Variants in STARD9 observed in about 807,000 individuals in gnomAD.
STARD9 encodes the protein stAR-related lipid transfer protein 9.
Under a neutral mutation model 399.8 loss-of-function variants are expected in STARD9, and 346 were observed. The ratio of observed to expected loss-of-function variants is 0.87; its 90% CI spans 0.79 to 0.95. STARD9 has a LOEUF of 0.95. Ranked by LOEUF, STARD9 falls within the 40% of genes least tolerant of loss-of-function variation. The probability of loss-of-function intolerance (pLI) is 0.00; values close to 1 mark genes in which losing one functional copy is unlikely to be tolerated. For missense variants in STARD9, 5,832 were observed against 5,667.5 expected, an observed-to-expected ratio of 1.03 and a Z score of -0.93; for synonymous variants, 2,203 against 2,143.5, an observed-to-expected ratio of 1.03 and a Z score of -0.77.
intron 26 of STARD9, among the ~76,000 whole-genome samples, chr15:42,705,559 C>T (rs902525127): frequency 6.6e-6 from 1 of 151,788 alleles, no homozygotes; most frequent in Non-Finnish European, 1.5e-5. Context: ...CTCAGCACTC[C>T]GAGTACCTGG....
intron 28 of STARD9, 140 bp downstream of exon 28, chr15:42,717,188 G>C (rs1372815371): frequency 1.0e-6 from 1 of 972,092 alleles, no homozygotes; most frequent in East Asian, 2.7e-5. Flanking sequence ...TTCATCTTGA[G>C]AAAAGGGGAA....
intron 3 of STARD9, among the ~76,000 whole-genome samples, chr15:42,624,194 G>C (rs1042786116): frequency 6.6e-6 from 1 of 152,148 alleles, no homozygotes; most frequent in Non-Finnish European, 1.5e-5. Flanking sequence ...CTTATGTAAG[G>C]CTTGGATGCC....
rs569674695 is a variant in STARD9 at position 42,611,035 on chromosome 15, G to A, written c.235-23821G>A. ...ATTGAAAGTACCCAGGACTCTCTTA[G>A]TCTTGCTTTTTTCCCCCTTTTTCTA... On this transcript the variant is annotated intron_variant, in intron 3 of 32. Transcript: ENST00000290607. Among the ~76,000 whole-genome samples the A allele has an allele frequency of 2.6e-5, 4 of 152,198 alleles. No homozygotes were observed. The South Asian group carries it at 6.2e-4, about 24-fold the overall frequency.
Position 42,694,535 on chromosome 15 carries a change from A to G in STARD9, c.12772A>G (p.Lys4258Glu). Residue 4258 changes from lysine (K) to glutamate (E), a missense_variant, in exon 24 of 33, where the codon AAG becomes GAG. Transcript: ENST00000290607. ...AATCGTGTTTTGCCTCAGGCAAAAA[A>G]AGGCCATTGAGACCCTCAGGAGAGA... ...TWKELYARQK[K>E]AIETLRRERA... 6.5e-7 allele frequency: 1 copy of G among 1,537,192 alleles called. No homozygotes were observed. The highest frequency in any genetic ancestry group is 8.7e-7 in the Non-Finnish European group (1 of 1,146,900).
rs1366465774 is a variant in STARD9 at position 42,691,556 on chromosome 15, C to T, written c.9978C>T (p.Phe3326=). ...CCAGGTCCTCCCCCACACCACAGTTCTCAGTTGTCGGCTCTTCTCGTTCTC... is the reference window on the plus strand; with the variant it reads ...CCAGGTCCTCCCCCACACCACAGTTTTCAGTTGTCGGCTCTTCTCGTTCTC... The part of the protein sequence containing the change: ...KHSRSSPTPQ[F]SVVGSSRSLQ... The change falls in exon 23 of 33, where the codon TTC becomes TTT. Residue 3326 remains phenylalanine (F), a synonymous_variant. Transcript: ENST00000290607. 2 of 1,537,164 alleles carry T rather than the reference C, an allele frequency of 1.3e-6. No homozygotes were observed. The highest frequency in any genetic ancestry group is 1.7e-6 in the Non-Finnish European group (2 of 1,146,926).
Position 42,693,813 on chromosome 15 carries a change from T to G in STARD9, c.12235T>G (p.Trp4079Gly). ...PQRTLDRPSS[W>G]GGLQHLSPCP... Reference sequence around the variant, plus strand: ...ACGCACTCTGGACCGACCTTCTTCATGGGGAGGCCTCCAGCACCTCAGCCC... The same window carrying G: ...ACGCACTCTGGACCGACCTTCTTCAGGGGGAGGCCTCCAGCACCTCAGCCC... The change falls in exon 23 of 33, where the codon TGG (tryptophan) becomes GGG (glycine). Residue 4079 changes from tryptophan (W) to glycine (G), a missense_variant. By Grantham distance (184) the Trp-to-Gly change is radical. Coordinates refer to ENST00000290607, the MANE Select transcript of STARD9 (RefSeq NM_020759.3). The G allele has an allele frequency of 6.5e-7, 1 of 1,536,484 alleles. No individual in the cohort carries two copies. The highest frequency in any genetic ancestry group is 8.7e-7 in the Non-Finnish European group (1 of 1,146,654).
intron 9 of STARD9, among the ~76,000 whole-genome samples, chr15:42,658,341 CT>C (rs1204630335): frequency 2.0e-5 from 3 of 149,868 alleles, no homozygotes; most frequent in African/African-American, 7.4e-5. Flanking sequence ...TACAAAATAA[CT>C]TTTGTATTTT....
At chr15:42,575,894 A>G in intron 1 of STARD9, 132 bp downstream of exon 1, 1 of 1,006,164 alleles carries the variant, frequency 9.9e-7, no homozygotes, top group South Asian at 1.4e-5. Context: ...CGGGGTCCGG[A>G]ATCCACGGAG....
chr15:42,638,078 T>C lies in STARD9; in HGVS notation c.437T>C (p.Ile146Thr). The change falls in exon 6 of 33, where the codon ATA becomes ACA. Residue 146 changes from isoleucine (I) to threonine (T), a missense_variant. Coordinates refer to ENST00000290607, the MANE Select transcript of STARD9 (RefSeq NM_020759.3). ...DCASLPSSCR[I>T]KVSFLEIYNE... ...GCCTCACTGCCTTCCTCCTGTAGGA[T>C]AAAAGTAAGGTAAGAACCTCCCAAG... 1 of 1,537,054 alleles carries C rather than the reference T, an allele frequency of 6.5e-7. No individual in the cohort carries two copies. Among genetic ancestry groups the C allele is most frequent in the African/African-American group, 1.4e-5 (1 of 73,128 alleles).
chr15:42,628,361 T>A (rs572561940), intron 3 of STARD9, among the ~76,000 whole-genome samples: 1 of 152,360 alleles, frequency 6.6e-6, no homozygotes, highest in South Asian at 2.1e-4. Context: ...TGCAGATATA[T>A]TCGCCTGTTC....
At position 42,601,367 on chromosome 15, in the gene STARD9, G is replaced by A. The variant is rs957447266; in HGVS notation, c.234+15730G>A. 9.2e-5 allele frequency among the ~76,000 whole-genome samples: 14 copies of A among 152,204 alleles called. No individual in the cohort carries two copies. In the South Asian group the frequency reaches 1.9e-3, roughly 20 times the overall value. ...CCATCGTCATCATGGCCCATTCTCA[G>A]TGAGCTATTGGGTACACCTCCCGAC... is the stretch of plus-strand genomic sequence containing the variant. On this transcript the variant is annotated intron_variant, in intron 3 of 32. Transcript: ENST00000290607.
intron 7 of STARD9, among the ~76,000 whole-genome samples, chr15:42,640,279 C>T (rs1371766371): frequency 2.0e-5 from 3 of 152,188 alleles, no homozygotes; most frequent in Non-Finnish European, 4.4e-5. Flanking sequence ...CCGGTCTTTT[C>T]TCTGGTCAGG....
At chr15:42,711,791 C>T (rs1343835333) in intron 26 of STARD9, among the ~76,000 whole-genome samples, 1 of 151,428 alleles carries the variant, frequency 6.6e-6, no homozygotes, top group African/African-American at 2.4e-5. Flanking sequence ...ATGAACATCC[C>T]TGTAAAGCTT....
At chr15:42,663,972 T>C in intron 13 of STARD9, 55 bp downstream of exon 13, 1 of 1,171,158 alleles carries the variant, frequency 8.5e-7, no homozygotes, top group Non-Finnish European at 1.2e-6. Flanking sequence ...GCTTTCCTTA[T>C]TTTTTTTTCT....
chr15:42,663,963 C>G (rs1167357605), intron 13 of STARD9, 46 bp downstream of exon 13: 1 of 1,294,510 alleles, frequency 7.7e-7, no homozygotes, highest in Admixed American at 2.0e-5. Context: ...TTACACAAAG[C>G]TTTCCTTATT....
rs1020557777 is a variant in STARD9 at position 42,681,581 on chromosome 15, C to T, written c.2034C>T (p.Asp678=). The T allele has an allele frequency of 2.6e-6, 4 of 1,536,964 alleles. No individual in the cohort carries two copies. In the African/African-American group the frequency reaches 4.1e-5, roughly 16 times the overall value. ...EIRAAKELEF[D]QAWISQQIKE... is the part of the protein sequence containing the mutation. Reference sequence around the variant, plus strand: ...GAGCTGCGAAGGAACTGGAATTTGACCAAGCTTGGATTAGCCAGCAGATTA... The same window carrying T: ...GAGCTGCGAAGGAACTGGAATTTGATCAAGCTTGGATTAGCCAGCAGATTA... Residue 678 remains aspartate (D), a synonymous_variant, in exon 21 of 33, where the codon GAC becomes GAT. Coordinates refer to ENST00000290607, the MANE Select transcript of STARD9 (RefSeq NM_020759.3).
Position 42,682,273 on chromosome 15 carries a change from G to A in STARD9, c.2235G>A (p.Val745=). The A allele has an allele frequency of 6.5e-7, 1 of 1,537,242 alleles. No individual in the cohort carries two copies. The highest frequency in any genetic ancestry group is 8.7e-7 in the Non-Finnish European group (1 of 1,146,896). ...CATTTGTCCAAAGTCAGAAAAGGGT[G>A]GTGCACCTGCAGCTCCTGCGGAGAC... is the stretch of plus-strand genomic sequence containing the variant. ...PSPFVQSQKR[V]VHLQLLRRHT... Residue 745 remains valine (V), a synonymous_variant, in exon 22 of 33, where the codon GTG becomes GTA. Coordinates refer to ENST00000290607, the MANE Select transcript of STARD9 (RefSeq NM_020759.3).
At chr15:42,637,995 C>G (rs1402772090) in intron 5 of STARD9, 31 bp from the exon 6 acceptor site, 6 of 1,537,286 alleles carry the variant, frequency 3.9e-6, no homozygotes, top group Non-Finnish European at 5.2e-6. Context: ...ACAATTCCTA[C>G]AATGAAACCC....
chr15:42,675,690 CAG>C lies in STARD9; in HGVS notation c.1716_1717del (p.Lys573ValfsTer56), dbSNP rs1395838527. The C allele has an allele frequency of 6.5e-7, 1 of 1,537,182 alleles. No homozygotes were observed. The highest frequency in any genetic ancestry group is 2.0e-5 in the Admixed American group (1 of 51,008). On this transcript the variant is annotated frameshift_variant, in exon 19 of 33. Transcript: ENST00000290607. LOFTEE classifies it high-confidence loss of function. ...QGAVITLGKA[Q>X]KFRFNHPAEA... ...AGCTGTCATAACCCTGGGGAAGGCA[CAG>C]AAGTTCCGATTCAACCACCCAGCAG...
Sources: allele counts gnomAD v4.1 joint callset (sites outside exome capture counted in the v4.1 genomes callset), GRCh38; gene constraint gnomAD v4.1.1; transcripts MANE v1.5; gene names NCBI Gene and HGNC (gene_info 2026-07-23, HGNC 2026-07-21).